The following ABHD2 variants were observed in gnomAD, a reference collection of about 807,000 sequenced individuals.
ABHD2 encodes the protein abhydrolase domain containing 2, acylglycerol lipase, also known as monoacylglycerol lipase ABHD2.
Under a neutral mutation model 48.1 loss-of-function variants are expected in ABHD2, and 20 were observed. That is an observed-to-expected ratio of 0.42 (90% CI 0.29 to 0.60). The LOEUF (loss-of-function observed/expected upper bound fraction) is 0.60. Ranked by LOEUF, ABHD2 falls within the 20% of genes least tolerant of loss-of-function variation. ABHD2 has a pLI of 0.24. For synonymous variants in ABHD2, 209 were observed against 214.2 expected (o/e 0.98, Z 0.21); for missense variants, 405 against 550.9 (o/e 0.74, Z 2.65).
intron 8 of ABHD2, 33 bp from the exon 9 acceptor site, chr15:89,191,047 T>C (rs1251513603): frequency 1.2e-6 from 2 of 1,606,620 alleles, no homozygotes; most frequent in Non-Finnish European, 8.5e-7. Flanking sequence ...TGTTTTGTCC[T>C]TTTTCTTTTT....
chr15:89,175,978 G>A lies in ABHD2; in HGVS notation c.705G>A (p.Gln235=). ...TCCTGTGCTGCGTCAGCGTGTGCCA[G>A]GGGTACAGTGCACTGAGGTGAGTCA... ...EKVLCCVSVC[Q]GYSALRAQET... The change falls in exon 6 of 11, where the codon CAG becomes CAA. Residue 235 remains glutamine (Q), a synonymous_variant. Coordinates refer to ENST00000352732, the MANE Select transcript of ABHD2 (RefSeq NM_152924.5). This position sits in a 1 kb window ranked among gnomAD's most constrained non-coding sequence, Gnocchi z 5.7. 3 of 1,611,220 alleles carry A rather than the reference G, an allele frequency of 1.9e-6. No individual in the cohort carries two copies. Among genetic ancestry groups the A allele is most frequent in the Non-Finnish European group, 2.5e-6 (3 of 1,178,514 alleles).
the ABHD2 span, among the ~76,000 whole-genome samples, chr15:89,050,283 T>C: frequency 5.3e-5 from 8 of 151,964 alleles, no homozygotes; most frequent in Non-Finnish European, 7.4e-5. Flanking sequence ...TTAGATGGAA[T>C]TTGCCGAGAC....
At chr15:89,147,447 A>G (rs369226760) in intron 3 of ABHD2, among the ~76,000 whole-genome samples, 8,461 of 141,584 alleles carry the variant, frequency 0.06, 862 homozygotes, top group African/African-American at 0.21. Context: ...TCCGCCTCCC[A>G]GGTTTACGCC....
intron 4 of ABHD2, among the ~76,000 whole-genome samples, chr15:89,153,301 C>G (rs1268712511): frequency 6.6e-6 from 1 of 152,180 alleles, no homozygotes; most frequent in Non-Finnish European, 1.5e-5. Context: ...CCCCAGAGCC[C>G]CGAATAGCTG....
At chr15:89,135,820 T>C (rs534433163) in intron 3 of ABHD2, 34 of 767,728 alleles carry the variant, frequency 4.4e-5, no homozygotes, top group South Asian at 4.3e-4. Flanking sequence ...ACAGGCCAGA[T>C]GTTCTCCTTT....
At chr15:89,043,884 T>C in the ABHD2 span, among the ~76,000 whole-genome samples, 3 of 61,224 alleles carry the variant, frequency 4.9e-5, no homozygotes, top group Admixed American at 3.2e-4. Context: ...TTCTCTTTTC[T>C]TTTTTTTTCC....
intron 3 of ABHD2, among the ~76,000 whole-genome samples, chr15:89,144,477 G>A (rs8038839): frequency 0.054 from 8,250 of 152,160 alleles, 783 homozygotes; most frequent in African/African-American, 0.19. Flanking sequence ...ACAAAATGTG[G>A]TATATTCATA....
chr15:89,050,238 A>G, the ABHD2 span, among the ~76,000 whole-genome samples: 5 of 152,200 alleles, frequency 3.3e-5, no homozygotes, highest in Non-Finnish European at 7.4e-5. Flanking sequence ...AACCCAGAGA[A>G]GGATCACAGA....
In ABHD2 at chr15:89,176,009, GCCTT is replaced by G; in HGVS notation, c.722+17_722+20del. 6.3e-7 allele frequency: 1 copy of G among 1,581,378 alleles called. No homozygotes were observed. Among genetic ancestry groups the G allele is most frequent in the Non-Finnish European group, 8.6e-7 (1 of 1,162,486 alleles). On this transcript the variant is annotated intron_variant, in intron 6 of 10. Coordinates refer to ENST00000352732, the MANE Select transcript of ABHD2 (RefSeq NM_152924.5). This position sits in a 1 kb window ranked among gnomAD's most constrained non-coding sequence, Gnocchi z 4.5. The stretch of plus-strand genomic sequence containing the variant: ...CAGTGCACTGAGGTGAGTCATCTCC[GCCTT>G]CCATCAGGGCCTTCAGTTAGCCCTT...
intron 1 of ABHD2, among the ~76,000 whole-genome samples, chr15:89,112,751 C>G (rs2049895447): frequency 6.6e-6 from 1 of 152,220 alleles, no homozygotes; most frequent in Admixed American, 6.5e-5. Flanking sequence ...TTGCTTGCCT[C>G]TCTTTCTTTC....
At chr15:89,072,058 A>C in the ABHD2 span, among the ~76,000 whole-genome samples, 4 of 152,218 alleles carry the variant, frequency 2.6e-5, no homozygotes, top group Non-Finnish European at 5.9e-5. Flanking sequence ...GAGTCATGTC[A>C]CACTTTTATT....
At chr15:89,129,083 G>A (rs768779427) in intron 3 of ABHD2, among the ~76,000 whole-genome samples, 7 of 152,178 alleles carry the variant, frequency 4.6e-5, no homozygotes, top group Non-Finnish European at 8.8e-5. Context: ...AAGGAAAGTT[G>A]TTTAGCTTGG....
At chr15:89,125,254 C>CAAAAAA (rs35053074) in intron 3 of ABHD2, among the ~76,000 whole-genome samples, 1 of 128,554 alleles carries the variant, frequency 7.8e-6, no homozygotes, top group Non-Finnish European at 1.7e-5. Context: ...GACTCCATGT[C>CAAAAAA]AAAAAAAAAA....
In ABHD2 at chr15:89,092,625, T is replaced by G. The variant is rs1364152833; in HGVS notation, c.-107+4062T>G. 1.3e-5 allele frequency among the ~76,000 whole-genome samples: 2 copies of G among 152,240 alleles called. No homozygotes were observed. The highest frequency in any genetic ancestry group is 2.9e-5 in the Non-Finnish European group (2 of 68,040). On this transcript the variant is annotated intron_variant, in intron 1 of 10. Transcript: ENST00000352732. The surrounding 1 kb of genome is among the most constrained non-coding windows in gnomAD (Gnocchi z 4.4). ...CCTCAGAGGCAACCAGTATTAGCGA[T>G]TTCTTCATCCTCCAGAAGTGGTCCC... is the stretch of plus-strand genomic sequence containing the variant.
intron 4 of ABHD2, among the ~76,000 whole-genome samples, chr15:89,154,933 C>G (rs999451930): frequency 6.6e-6 from 1 of 152,218 alleles, no homozygotes; most frequent in Non-Finnish European, 1.5e-5. Flanking sequence ...TCAAAGAGGT[C>G]TGTGCAAACA....
rs1350828649 is a variant in ABHD2, at chr15:89,177,276, G to A, written c.722+1281G>A. 1.3e-5 allele frequency among the ~76,000 whole-genome samples: 2 copies of A among 152,156 alleles called. No homozygotes were observed. Among genetic ancestry groups the A allele is most frequent in the Admixed American group, 6.5e-5 (1 of 15,278 alleles). ...AAGTGCTTAGAACAGTGCCCAGCACGCAGAACGTAAGCCACTGTTCATTTT... is the reference window on the plus strand; with the variant it reads ...AAGTGCTTAGAACAGTGCCCAGCACACAGAACGTAAGCCACTGTTCATTTT... On this transcript the variant is annotated intron_variant, in intron 6 of 10. Transcript: ENST00000352732. This position sits in a 1 kb window ranked among gnomAD's most constrained non-coding sequence, Gnocchi z 5.6.
intron 5 of ABHD2, among the ~76,000 whole-genome samples, chr15:89,165,999 A>G (rs1205907385): frequency 6.6e-6 from 1 of 152,152 alleles, no homozygotes; most frequent in East Asian, 1.9e-4. Context: ...GAAAACCAGA[A>G]TTTTCCAGCT....
the ABHD2 span, among the ~76,000 whole-genome samples, chr15:89,054,213 T>A: frequency 6.6e-6 from 1 of 150,638 alleles, no homozygotes; most frequent in Non-Finnish European, 1.5e-5. Flanking sequence ...TCCCAGCTAC[T>A]CGGGAGGCTG....
intron 3 of ABHD2, among the ~76,000 whole-genome samples, chr15:89,122,474 A>G (rs902741414): frequency 1.3e-5 from 2 of 152,236 alleles, no homozygotes; most frequent in African/African-American, 4.8e-5. Flanking sequence ...CAGGAGAAAC[A>G]AACTGCACTG....
Sources: gnomAD v4.1 joint callset for allele counts (sites outside exome capture counted in the v4.1 genomes callset) on GRCh38, gnomAD v4.1.1 for gene constraint, Gnocchi (gnomAD v3.1) non-coding constraint, MANE v1.5 for transcripts, NCBI Gene and HGNC (gene_info 2026-07-23, HGNC 2026-07-21) for gene names.